The following ARL8B variants were observed in gnomAD, a reference collection of about 807,000 sequenced individuals.
ARL8B encodes ADP-ribosylation factor-like protein 8B.
ARL8B carries 9 observed loss-of-function variants against 30.6 expected under a neutral mutation model. The ratio of observed to expected loss-of-function variants is 0.29; its 90% CI spans 0.18 to 0.51. The LOEUF (loss-of-function observed/expected upper bound fraction) is 0.51. ARL8B is among the 20% of genes least tolerant of loss of function. The pLI is 0.97. For missense variants in ARL8B, 130 were observed against 227.2 expected (o/e 0.57, Z 2.75); for synonymous variants, 74 against 76.0 (o/e 0.97, Z 0.14).
intron 1 of ARL8B, among the ~76,000 whole-genome samples, chr3:5,161,307 G>A (rs73807499): frequency 0.38 from 57,912 of 151,942 alleles, 12,415 homozygotes; most frequent in African/African-American, 0.6. Flanking sequence ...ATCAAAAAAA[G>A]ACAAAACAAA....
intron 1 of ARL8B, among the ~76,000 whole-genome samples, chr3:5,139,905 G>A (rs2054357074): frequency 6.6e-6 from 1 of 152,036 alleles, no homozygotes; most frequent in Non-Finnish European, 1.5e-5. Flanking sequence ...GGCTTGCAGG[G>A]CTCATAGGTC....
chr3:5,131,454 G>A (rs1249558304), intron 1 of ARL8B, among the ~76,000 whole-genome samples: 3 of 151,204 alleles, frequency 2.0e-5, no homozygotes, highest in Admixed American at 6.6e-5. Flanking sequence ...GCAGTGGCGC[G>A]ATCTCGGCTC....
At chr3:5,143,531 C>T (rs2054393793) in intron 1 of ARL8B, among the ~76,000 whole-genome samples, 1 of 152,232 alleles carries the variant, frequency 6.6e-6, no homozygotes, top group Admixed American at 6.5e-5. Flanking sequence ...CATGCACTTT[C>T]CACTGGTCTT....
At chr3:5,155,918 T>C (rs1377371629) in intron 1 of ARL8B, among the ~76,000 whole-genome samples, 2 of 151,912 alleles carry the variant, frequency 1.3e-5, no homozygotes, top group East Asian at 3.9e-4. Context: ...TGTTTTTGTT[T>C]TTGAGACAGG....
intron 1 of ARL8B, among the ~76,000 whole-genome samples, chr3:5,143,491 G>A (rs1420571280): frequency 6.6e-6 from 1 of 152,182 alleles, no homozygotes; most frequent in Non-Finnish European, 1.5e-5. Flanking sequence ...AACCACCTGT[G>A]CCTGAGGTCC....
At chr3:5,150,789 A>C (rs113544232) in intron 1 of ARL8B, among the ~76,000 whole-genome samples, 7 of 152,280 alleles carry the variant, frequency 4.6e-5, no homozygotes, top group African/African-American at 1.7e-4. Flanking sequence ...TCTCAAAATA[A>C]AATAAAATAA....
chr3:5,123,153 G>A (rs1023648246), intron 1 of ARL8B, among the ~76,000 whole-genome samples: 1 of 152,180 alleles, frequency 6.6e-6, no homozygotes, highest in African/African-American at 2.4e-5. Flanking sequence ...CCGTCCCCCA[G>A]GCGCGGAGAC....
At chr3:5,164,169 G>C (rs1473491342) in intron 1 of ARL8B, among the ~76,000 whole-genome samples, 1 of 152,168 alleles carries the variant, frequency 6.6e-6, no homozygotes, top group East Asian at 1.9e-4. Context: ...AAAAATCCAT[G>C]TGTAAGTGGA....
intron 6 of ARL8B, among the ~76,000 whole-genome samples, chr3:5,177,617 G>A (rs546564501): frequency 3.9e-5 from 6 of 151,978 alleles, no homozygotes; most frequent in South Asian, 4.2e-4. Flanking sequence ...TGCCGTGCTC[G>A]GCTAATTTTT....
chr3:5,140,973 C>T (rs1464214840), intron 1 of ARL8B, among the ~76,000 whole-genome samples: 16 of 152,164 alleles, frequency 1.1e-4, no homozygotes, highest in Non-Finnish European at 2.4e-4. Context: ...TAATTTATCT[C>T]CTAGCACGCA....
At chr3:5,156,049 C>T (rs1191915950) in intron 1 of ARL8B, among the ~76,000 whole-genome samples, 3 of 152,024 alleles carry the variant, frequency 2.0e-5, no homozygotes, top group East Asian at 1.9e-4. Flanking sequence ...ACTACAGGTG[C>T]GCACCACCAT....
chr3:5,149,671 T>C (rs1185290838), intron 1 of ARL8B, among the ~76,000 whole-genome samples: 1 of 152,234 alleles, frequency 6.6e-6, no homozygotes, highest in Non-Finnish European at 1.5e-5. Context: ...CTTTCTTTCC[T>C]TTTATGGGCT....
chr3:5,132,432 T>C (rs2054290871), intron 1 of ARL8B, among the ~76,000 whole-genome samples: 1 of 152,106 alleles, frequency 6.6e-6, no homozygotes, highest in Non-Finnish European at 1.5e-5. Context: ...AGAGATAGGG[T>C]TTCACTATGT....
chr3:5,140,899 T>A (rs971247386), intron 1 of ARL8B, among the ~76,000 whole-genome samples: 1 of 152,152 alleles, frequency 6.6e-6, no homozygotes, highest in Non-Finnish European at 1.5e-5. Flanking sequence ...AGCAAGACTT[T>A]TATTGGCGGT....
At chr3:5,157,492 A>G (rs2054543509) in intron 1 of ARL8B, among the ~76,000 whole-genome samples, 2 of 152,026 alleles carry the variant, frequency 1.3e-5, no homozygotes, top group South Asian at 4.1e-4. Context: ...AACAAAACAA[A>G]AAAACCCCCA....
chr3:5,174,190 A>C, intron 5 of ARL8B, 106 bp downstream of exon 5: 4 of 1,180,778 alleles, frequency 3.4e-6, no homozygotes, highest in Non-Finnish European at 5.0e-6. Flanking sequence ...TAGGTAGATA[A>C]AAGTTGGCCT....
intron 1 of ARL8B, among the ~76,000 whole-genome samples, chr3:5,160,740 C>T (rs1575570712): frequency 6.6e-6 from 1 of 152,050 alleles, no homozygotes. Flanking sequence ...AATTAATTTT[C>T]TAGAGAATTT....
chr3:5,123,236 C>A (rs1171418968), intron 1 of ARL8B, among the ~76,000 whole-genome samples: 36 of 152,116 alleles, frequency 2.4e-4, no homozygotes, highest in Admixed American at 2.4e-3. Flanking sequence ...TTGTCTTAAG[C>A]GACTAGATAA....
chr3:5,127,470 A>G (rs1305930462), intron 1 of ARL8B, among the ~76,000 whole-genome samples: 1 of 152,208 alleles, frequency 6.6e-6, no homozygotes, highest in Admixed American at 6.5e-5. Context: ...TAGAGAGAGC[A>G]TTTTAAATCC....
Sources: allele counts gnomAD v4.1 joint callset (sites outside exome capture counted in the v4.1 genomes callset), GRCh38; gene constraint gnomAD v4.1.1; transcripts MANE v1.5; gene names NCBI Gene and HGNC (gene_info 2026-07-23, HGNC 2026-07-21).